CDC42BPG: variants seen among roughly 807,000 people sequenced by gnomAD.
CDC42BPG encodes the protein serine/threonine-protein kinase MRCK gamma.
CDC42BPG carries 157 observed loss-of-function variants against 192.2 expected under a neutral mutation model. The observed-to-expected ratio is 0.82, with a 90% CI of 0.72 to 0.93. CDC42BPG has a LOEUF of 0.93. Ranked by LOEUF, CDC42BPG falls within the 40% of genes least tolerant of loss-of-function variation. The probability of loss-of-function intolerance (pLI) is 0.00; values close to 1 mark genes in which losing one functional copy is unlikely to be tolerated. For missense variants in CDC42BPG, 1,992 were observed against 2,122.1 expected (o/e 0.94, Z 1.20); for synonymous variants, 981 against 918.5 (o/e 1.07, Z -1.23).
At chr11:64,839,259 G>C in intron 6 of CDC42BPG, 26 bp from the exon 7 acceptor site, 1 of 1,612,354 alleles carries the variant, frequency 6.2e-7, no homozygotes, top group South Asian at 1.1e-5. Flanking sequence ...GTGAAGCCAT[G>C]AGGACAGCTT....
rs983942515 is a variant in CDC42BPG at position 64,826,532 on chromosome 11, G to A, written c.4537C>T (p.Leu1513=). 1.0e-5 allele frequency: 16 copies of A among 1,602,736 alleles called. No individual in the cohort carries two copies. The highest frequency in any genetic ancestry group is 1.4e-5 in the Non-Finnish European group (16 of 1,175,214). The change falls in exon 36 of 37, where the codon CTG becomes TTG. Residue 1513 remains leucine (L), a synonymous_variant. Coordinates refer to ENST00000342711, the MANE Select transcript of CDC42BPG (RefSeq NM_017525.3). The part of the protein sequence containing the change: ...DPMKRKPWTS[L]SSESVSCPQG... Reference sequence around the variant, plus strand: ...GGGCAGGACACAGACTCGCTGGACAGGGATGTCCAGGGTTTCCTCTTCACT... The same window carrying A: ...GGGCAGGACACAGACTCGCTGGACAAGGATGTCCAGGGTTTCCTCTTCACT...
intron 36 of CDC42BPG, among the ~76,000 whole-genome samples, 169 bp downstream of exon 36, chr11:64,826,301 C>T (rs567063733): frequency 2.6e-5 from 4 of 152,334 alleles, no homozygotes; most frequent in African/African-American, 9.6e-5. Flanking sequence ...CAGGATCCTG[C>T]TGGTGCCCAC....
At chr11:64,826,580 CAA>C (rs1942428322) in intron 35 of CDC42BPG, 25 bp from the exon 36 acceptor site, 1 of 1,533,526 alleles carries the variant, frequency 6.5e-7, no homozygotes, top group Admixed American at 2.0e-5. Context: ...GACGAGGAGA[CAA>C]AAATACCAAG....
At chr11:64,843,065 C>T (rs1035655756) in intron 1 of CDC42BPG, among the ~76,000 whole-genome samples, 2 of 152,110 alleles carry the variant, frequency 1.3e-5, no homozygotes, top group Non-Finnish European at 2.9e-5. Flanking sequence ...GGGACCCACC[C>T]GCCAGAAGAG....
intron 5 of CDC42BPG, 116 bp from the exon 6 acceptor site, chr11:64,839,687 T>G (rs1229417357): frequency 2.6e-6 from 2 of 771,310 alleles, no homozygotes; most frequent in African/African-American, 3.5e-5. Context: ...CACACATTCC[T>G]GTGTGTAGGT....
Position 64,839,487 on chromosome 11 carries a change from G to A in CDC42BPG, c.666C>T (p.Thr222=). The change falls in exon 6 of 37, where the codon ACC becomes ACT. Residue 222 remains threonine, a synonymous_variant. Transcript: ENST00000342711. ...GGGGCGGGGTCCTTACCATGCCGTT[G>A]GTGTTGAGACGCAGGCAGGAGCCGA... is the stretch of plus-strand genomic sequence containing the variant. ...ADFGSCLRLN[T]NGMVDSSVAV... 6.2e-7 allele frequency: 1 copy of A among 1,613,172 alleles called. No homozygotes were observed. Among genetic ancestry groups the A allele is most frequent in the Non-Finnish European group, 8.5e-7 (1 of 1,179,946 alleles).
At position 64,826,723 on chromosome 11, in the gene CDC42BPG, CAACG is replaced by C; in HGVS notation, c.4457_4460del (p.Ala1486GlyfsTer19). 3 of 1,550,226 alleles carry C rather than the reference CAACG, an allele frequency of 1.9e-6. No individual in the cohort carries two copies. The highest frequency in any genetic ancestry group is 2.6e-6 in the Non-Finnish European group (3 of 1,148,778). ...CGCTGCCCATGGAGGCTGGGCGCCG[CAACG>C]CCTCGGAGAAGCTGTGGGGCCGCTG... is the stretch of plus-strand genomic sequence containing the variant. On this transcript the variant is annotated frameshift_variant, in exon 35 of 37. Coordinates refer to ENST00000342711, the MANE Select transcript of CDC42BPG (RefSeq NM_017525.3). LOFTEE classifies it high-confidence loss of function.
In CDC42BPG at chr11:64,831,079, G is replaced by A. The variant is rs573645199; in HGVS notation, c.3304+426C>T. ...CTAAAAATACAAAAAATAGCCAGGC[G>A]AGGTGGTGCATGCCTGCAATCCCAG... On this transcript the variant is annotated intron_variant, in intron 28 of 36. Coordinates refer to ENST00000342711, the MANE Select transcript of CDC42BPG (RefSeq NM_017525.3). Among the ~76,000 whole-genome samples, 170 of 152,234 alleles carry A rather than the reference G, an allele frequency of 1.1e-3. 1 individual carries two copies. Among genetic ancestry groups the A allele is most frequent in the African/African-American group, 3.8e-3 (159 of 41,524 alleles).
Position 64,834,721 on chromosome 11 carries a change from G to A in CDC42BPG, c.2175+128C>T, listed in dbSNP as rs1592704831. On this transcript the variant is annotated intron_variant, in intron 18 of 36. Transcript: ENST00000342711. ...GCCAATGACCCACTGTGAGCTCAGGGAAATCACTATCTCTCATGAGCTTGG... is the reference window on the plus strand; with the variant it reads ...GCCAATGACCCACTGTGAGCTCAGGAAAATCACTATCTCTCATGAGCTTGG... The A allele has an allele frequency of 3.0e-6, 4 of 1,328,574 alleles. No individual in the cohort carries two copies. In the South Asian group the frequency reaches 4.3e-5, roughly 14 times the overall value. 82.3% of individuals were successfully genotyped at this position (1,328,574 alleles called of 1,614,324 possible).
chr11:64,836,729 G>GGGGGGC lies in CDC42BPG; in HGVS notation c.1384+9_1384+10insGCCCCC. The GGGGGGC allele has an allele frequency of 8.6e-7, 1 of 1,166,958 alleles. No homozygotes were observed. Among genetic ancestry groups the GGGGGGC allele is most frequent in the Non-Finnish European group, 1.2e-6 (1 of 848,762 alleles). 72.3% of individuals were successfully genotyped at this position (1,166,958 alleles called of 1,614,324 possible). On this transcript the variant is annotated intron_variant, in intron 11 of 36. Coordinates refer to ENST00000342711, the MANE Select transcript of CDC42BPG (RefSeq NM_017525.3). ...CCTGGGGGGGGGGGGGGGGTGGGCG[G>GGGGGGC]AAGGGATACCTGGCAGCCTGTCCCG...
At chr11:64,843,021 G>A (rs1044681664) in intron 1 of CDC42BPG, among the ~76,000 whole-genome samples, 6 of 151,908 alleles carry the variant, frequency 3.9e-5, no homozygotes, top group Non-Finnish European at 5.9e-5. Context: ...GAGCAGCCCC[G>A]GGCCTCCCCG....
At chr11:64,826,270 C>T (rs1942410444) in intron 36 of CDC42BPG, among the ~76,000 whole-genome samples, 200 bp downstream of exon 36, 1 of 152,140 alleles carries the variant, frequency 6.6e-6, no homozygotes, top group Non-Finnish European at 1.5e-5. Flanking sequence ...GCCAAGATTC[C>T]CACCTAGGCT....
chr11:64,838,203 A>G (rs1416882804), intron 8 of CDC42BPG, 41 bp from the exon 9 acceptor site: 2 of 1,444,778 alleles, frequency 1.4e-6, no homozygotes, highest in African/African-American at 1.4e-5. Flanking sequence ...TCCACAGGCC[A>G]AGGCCCGAGG....
At chr11:64,841,356 G>A (rs1943272066) in intron 3 of CDC42BPG, among the ~76,000 whole-genome samples, 1 of 151,864 alleles carries the variant, frequency 6.6e-6, no homozygotes, top group Non-Finnish European at 1.5e-5. Flanking sequence ...GGGAGGCTGA[G>A]GCAGGAGAAT....
Position 64,824,081 on chromosome 11 carries a change from G to A in CDC42BPG, c.*392C>T, listed in dbSNP as rs1942333965. On this transcript the variant is annotated 3_prime_UTR_variant, in exon 37 of 37. Transcript: ENST00000342711. ...CCATCTTGGCCTCAGCTGGGAGTCA[G>A]ACAGTCCACAGATAAGACCTCCAAC... 3.9e-6 allele frequency: 1 copy of A among 258,476 alleles called. No individual in the cohort carries two copies. Among genetic ancestry groups the A allele is most frequent in the Non-Finnish European group, 7.5e-6 (1 of 132,540 alleles). 16.0% of individuals were successfully genotyped at this position (258,476 alleles called of 1,614,324 possible).
intron 9 of CDC42BPG, 119 bp downstream of exon 9, chr11:64,837,964 T>G: frequency 1.2e-6 from 1 of 845,536 alleles, no homozygotes. Context: ...ACCTGCCACA[T>G]GCAGATACTG....
At position 64,836,231 on chromosome 11, in the gene CDC42BPG, C is replaced by T; in HGVS notation, c.1554G>A (p.Gln518=). ...GTAGCCTCTGAAGCAGCTCCTCCTG[C>T]TGCCCCTGGGCCCTGCAGAGCTCCT... ...QEQELCRAQG[Q]QEELLQRLQE... Residue 518 remains glutamine (Q), a synonymous_variant, in exon 13 of 37, where the codon CAG becomes CAA. Coordinates refer to ENST00000342711, the MANE Select transcript of CDC42BPG (RefSeq NM_017525.3). 2 of 1,600,726 alleles carry T rather than the reference C, an allele frequency of 1.2e-6. No individual in the cohort carries two copies. The highest frequency in any genetic ancestry group is 1.7e-6 in the Non-Finnish European group (2 of 1,175,804).
chr11:64,829,399 G>A, intron 30 of CDC42BPG, 72 bp downstream of exon 30: 1 of 1,549,954 alleles, frequency 6.5e-7, no homozygotes, highest in Non-Finnish European at 8.7e-7. Context: ...CTCATGAGTT[G>A]AGGCGGGACC....
In CDC42BPG at chr11:64,833,743, T is replaced by C. The variant is rs374487719; in HGVS notation, c.2560A>G (p.Met854Val). ...LRPEGRRSLR[M>V]GAVFPRAPTA... ...ATGGACCCACCTGTCCTCACCCCCA[T>C]GCGCAGGCTGCGTCGGCCCTCCGGC... Residue 854 changes from methionine (M) to valine (V), a missense_variant, in exon 22 of 37, where the codon ATG becomes GTG. Met to Val is a conservative substitution (Grantham distance 21). This residue lies in a region of CDC42BPG where 1,656 missense variants were observed against 1,844.3 expected (regional missense o/e 0.90). Coordinates refer to ENST00000342711, the MANE Select transcript of CDC42BPG (RefSeq NM_017525.3). The C allele has an allele frequency of 5.1e-5, 83 of 1,613,932 alleles. No individual in the cohort carries two copies. The South Asian group carries it at 6.9e-4, about 13-fold the overall frequency.
Sources: allele counts gnomAD v4.1 joint callset (sites outside exome capture counted in the v4.1 genomes callset), GRCh38; gene constraint gnomAD v4.1.1; regional missense constraint gnomAD v4.1.1; transcripts MANE v1.5; gene names NCBI Gene and HGNC (gene_info 2026-07-23, HGNC 2026-07-21).